Variants in GULP1 observed in about 807,000 individuals in gnomAD.
GULP1 encodes PTB domain-containing engulfment adapter protein 1.
GULP1 carries 19 observed loss-of-function variants against 40.9 expected under a neutral mutation model. The observed-to-expected ratio is 0.46, with a 90% confidence interval of 0.32 to 0.68. The LOEUF (loss-of-function observed/expected upper bound fraction) is 0.68, where lower values mean the gene tolerates loss of function less well. Among genes scored for constraint, GULP1 ranks in the 30% least tolerant of loss-of-function variants. The pLI, the probability that GULP1 is intolerant of heterozygous loss-of-function variation, is 0.03. For synonymous variants in GULP1, 119 were observed against 117.6 expected, an observed-to-expected ratio of 1.01 and a Z score of -0.08; for missense variants, 312 against 362.2, an observed-to-expected ratio of 0.86 and a Z score of 1.12.
At chr2:188,434,206 G>A (rs1287720989) in intron 2 of GULP1, among the ~76,000 whole-genome samples, 13 of 151,528 alleles carry the variant, frequency 8.6e-5, no homozygotes, top group Admixed American at 7.9e-4. Flanking sequence ...TCCTTCAGTT[G>A]TCTTCTACCA....
chr2:188,471,609 CAACTT>C (rs1446343363), intron 2 of GULP1, among the ~76,000 whole-genome samples: 9 of 152,224 alleles, frequency 5.9e-5, no homozygotes, highest in Admixed American at 3.3e-4. Context: ...AAGCTGATAA[CAACTT>C]AACACTGTTT....
intron 2 of GULP1, among the ~76,000 whole-genome samples, chr2:188,430,210 T>A (rs2056703201): frequency 6.6e-6 from 1 of 152,194 alleles, no homozygotes; most frequent in South Asian, 2.1e-4. Context: ...TCCAGTGTGA[T>A]AATAAAAAGA....
At chr2:188,536,920 G>T (rs529242873) in intron 6 of GULP1, among the ~76,000 whole-genome samples, 72 of 18,584 alleles carry the variant, frequency 3.9e-3, no homozygotes, top group Admixed American at 0.032. Flanking sequence ...TGTATTACTA[G>T]GTATTTTATT....
At chr2:188,362,399 G>A (rs1389310552) in intron 1 of GULP1, among the ~76,000 whole-genome samples, 1 of 151,952 alleles carries the variant, frequency 6.6e-6, no homozygotes, top group Non-Finnish European at 1.5e-5. Context: ...ACTCATTTTT[G>A]GAAATGTTTT....
intron 4 of GULP1, among the ~76,000 whole-genome samples, chr2:188,491,054 TC>T (rs2062335956): frequency 1.3e-5 from 2 of 151,978 alleles, no homozygotes; most frequent in Non-Finnish European, 2.9e-5. Context: ...CAACTTGACC[TC>T]CCAAAGTGCT....
At chr2:188,497,083 A>G (rs982116251) in intron 4 of GULP1, among the ~76,000 whole-genome samples, 16 of 152,032 alleles carry the variant, frequency 1.1e-4, no homozygotes, top group African/African-American at 3.9e-4. Flanking sequence ...CAGTGCGAGA[A>G]CAGACTAACA....
chr2:188,419,445 T>A (rs1051314256), intron 2 of GULP1, among the ~76,000 whole-genome samples: 2 of 152,144 alleles, frequency 1.3e-5, no homozygotes, highest in African/African-American at 4.8e-5. Context: ...ATTTTCCTGT[T>A]GGATTAGTGA....
At chr2:188,459,708 A>G (rs942546782) in intron 2 of GULP1, among the ~76,000 whole-genome samples, 14 of 152,110 alleles carry the variant, frequency 9.2e-5, no homozygotes, top group Admixed American at 8.5e-4. Context: ...ATTACTAAAG[A>G]AATTTTTGCC....
intron 2 of GULP1, among the ~76,000 whole-genome samples, chr2:188,389,484 G>T (rs2050226447): frequency 6.6e-6 from 1 of 152,084 alleles, no homozygotes; most frequent in South Asian, 2.1e-4. Context: ...CACAAAAATG[G>T]ATATATGTTC....
chr2:188,494,075 T>G (rs1316575346), intron 4 of GULP1, among the ~76,000 whole-genome samples: 1 of 152,086 alleles, frequency 6.6e-6, no homozygotes, highest in Non-Finnish European at 1.5e-5. Context: ...TTAACCCATG[T>G]GACATAATGC....
intron 7 of GULP1, among the ~76,000 whole-genome samples, chr2:188,542,908 C>T (rs1265709740): frequency 6.6e-6 from 1 of 152,206 alleles, no homozygotes; most frequent in South Asian, 2.1e-4. Flanking sequence ...TCTTTCCTGC[C>T]TTACCCATAG....
At chr2:188,480,770 A>G (rs987703852) in intron 3 of GULP1, among the ~76,000 whole-genome samples, 2 of 152,028 alleles carry the variant, frequency 1.3e-5, no homozygotes, top group African/African-American at 4.8e-5. Flanking sequence ...AAGTATAAAA[A>G]TAACATGTGA....
At chr2:188,581,223 G>A (rs1294002104) in intron 9 of GULP1, among the ~76,000 whole-genome samples, 1 of 152,142 alleles carries the variant, frequency 6.6e-6, no homozygotes, top group Non-Finnish European at 1.5e-5. Flanking sequence ...GTATGACTCA[G>A]TATTCAGTAC....
intron 2 of GULP1, among the ~76,000 whole-genome samples, chr2:188,407,957 T>G (rs1559205474): frequency 6.6e-6 from 1 of 152,200 alleles, no homozygotes; most frequent in Non-Finnish European, 1.5e-5. Flanking sequence ...AAAAAGAAAT[T>G]CCATGTAAAT....
At chr2:188,409,243 C>G (rs995278649) in intron 2 of GULP1, among the ~76,000 whole-genome samples, 2 of 151,964 alleles carry the variant, frequency 1.3e-5, no homozygotes, top group Admixed American at 1.3e-4. Flanking sequence ...AACTAAAAAA[C>G]TCAAATAAAA....
chr2:188,541,079 ATTGT>A lies in GULP1; in HGVS notation c.262-100_262-97del, dbSNP rs1278915023. 5 of 954,014 alleles carry A rather than the reference ATTGT, an allele frequency of 5.2e-6. No homozygotes were observed. The Admixed American group carries it at 1.2e-4, about 22-fold the overall frequency. 59.1% of individuals were successfully genotyped at this position (954,014 alleles called of 1,614,324 possible). On this transcript the variant is annotated intron_variant, in intron 6 of 11. Transcript: ENST00000409830. Reference sequence around the variant, plus strand: ...TTATAAAATCAAAGATTGACAGATGATTGTTCTACTTTTAAAGTCACATGTTATT... The same window carrying A: ...TTATAAAATCAAAGATTGACAGATGATCTACTTTTAAAGTCACATGTTATT...
chr2:188,357,545 TAAC>T (rs2045508163), intron 1 of GULP1, among the ~76,000 whole-genome samples: 3 of 152,096 alleles, frequency 2.0e-5, no homozygotes, highest in South Asian at 2.1e-4. Flanking sequence ...AAGACAAAAA[TAAC>T]AAATACTAGT....
At chr2:188,555,066 T>C (rs1300533924) in intron 7 of GULP1, among the ~76,000 whole-genome samples, 1 of 152,098 alleles carries the variant, frequency 6.6e-6, no homozygotes, top group Non-Finnish European at 1.5e-5. Context: ...GAAGGGAGCA[T>C]ATATTTGGAT....
intron 2 of GULP1, among the ~76,000 whole-genome samples, chr2:188,433,850 A>G (rs2057149150): frequency 1.3e-5 from 2 of 152,134 alleles, no homozygotes; most frequent in Non-Finnish European, 1.5e-5. Flanking sequence ...ATAATTTAGC[A>G]AAAATTTACA....
Sources: allele counts gnomAD v4.1 joint callset (sites outside exome capture counted in the v4.1 genomes callset), GRCh38; gene constraint gnomAD v4.1.1; transcripts MANE v1.5; gene names NCBI Gene and HGNC (gene_info 2026-07-23, HGNC 2026-07-21).